VPS13C: variants seen among roughly 807,000 people sequenced by gnomAD.
VPS13C encodes the protein intermembrane lipid transfer protein VPS13C.
In VPS13C, 358 loss-of-function variants were observed where a neutral mutation model predicts 456.8. The ratio of observed to expected loss-of-function variants is 0.78; its 90% CI spans 0.72 to 0.86. The LOEUF (loss-of-function observed/expected upper bound fraction) is 0.86, where lower values mean the gene tolerates loss of function less well. Among genes scored for constraint, VPS13C ranks in the 40% least tolerant of loss-of-function variants. The pLI, the probability that VPS13C is intolerant of heterozygous loss-of-function variation, is 0.00. For synonymous variants in VPS13C, 1,578 were observed against 1,486.7 expected (o/e 1.06, Z -1.41); for missense variants, 4,818 against 4,385.4 (o/e 1.10, Z -2.79).
In VPS13C at chr15:62,000,645, C is replaced by T. The variant is rs1279761776; in HGVS notation, c.1291-19G>A. 1.3e-6 allele frequency: 2 copies of T among 1,577,596 alleles called. No homozygotes were observed. The highest frequency in any genetic ancestry group is 1.4e-5 in the African/African-American group (1 of 72,418). On this transcript the variant is annotated intron_variant, in intron 15 of 84. Coordinates refer to ENST00000644861, the MANE Select transcript of VPS13C (RefSeq NM_020821.3). ...CCAAGTCCTGTAAAAAACAGAGGCA[C>T]TTATAAACAAGAAATTTAATCATTA... is the stretch of plus-strand genomic sequence containing the variant.
intron 18 of VPS13C, 68 bp downstream of exon 18, chr15:61,990,932 A>C (rs931841163): frequency 2.0e-6 from 2 of 1,017,102 alleles, no homozygotes; most frequent in Non-Finnish European, 3.0e-6. Flanking sequence ...AAAATCAGTA[A>C]GTCTAATCCA....
chr15:61,994,194 T>A (rs1348647905), intron 16 of VPS13C, among the ~76,000 whole-genome samples: 1 of 152,190 alleles, frequency 6.6e-6, no homozygotes, highest in Non-Finnish European at 1.5e-5. Flanking sequence ...GTTAGATAGA[T>A]CAAATTGCCT....
Position 61,918,242 on chromosome 15 carries a change from A to G in VPS13C, c.7654T>C (p.Ser2552Pro). 1 of 1,572,746 alleles carries G rather than the reference A, an allele frequency of 6.4e-7. No homozygotes were observed. The highest frequency in any genetic ancestry group is 8.6e-7 in the Non-Finnish European group (1 of 1,163,406). ...RSPLQIKNHF[S>P]IAFIIYKFVK... ...AATTTATAGATGATAAATGCAATGG[A>G]GAAATGGTTTTTGATCTGTTGGACA... The change falls in exon 59 of 85, where the codon TCC becomes CCC. Residue 2552 changes from serine to proline, a missense_variant. Coordinates refer to ENST00000644861, the MANE Select transcript of VPS13C (RefSeq NM_020821.3).
intron 15 of VPS13C, among the ~76,000 whole-genome samples, chr15:62,006,791 G>A (rs958155413): frequency 5.3e-5 from 8 of 152,008 alleles, no homozygotes; most frequent in Non-Finnish European, 8.8e-5. Flanking sequence ...TTTAATGGTC[G>A]CCATTCTAAC....
chr15:61,898,306 G>C (rs1176911565), intron 66 of VPS13C, among the ~76,000 whole-genome samples: 2 of 152,000 alleles, frequency 1.3e-5, no homozygotes, highest in African/African-American at 4.8e-5. Context: ...ACACAGACTG[G>C]CAAATTGGAT....
In VPS13C at chr15:61,884,121, G is replaced by C. The variant is rs371344544; in HGVS notation, c.9483+7C>G. 4 of 1,560,228 alleles carry C rather than the reference G, an allele frequency of 2.6e-6. No homozygotes were observed. The highest frequency in any genetic ancestry group is 1.7e-4 in the Middle Eastern group (1 of 5,830). ...ATAAAAATCAAAACAAAAGAATTTT[G>C]GTATACCTCAAAATTATTATCTAGC... On this transcript the variant is annotated splice_region_variant and intron_variant, in intron 68 of 84. Transcript: ENST00000644861.
chr15:61,900,956 C>G (rs1566982459), intron 66 of VPS13C, among the ~76,000 whole-genome samples: 2 of 152,104 alleles, frequency 1.3e-5, no homozygotes, highest in African/African-American at 4.8e-5. Context: ...AATAACGCCG[C>G]ATTTCTACAA....
chr15:61,996,202 T>C (rs113166478), intron 16 of VPS13C, among the ~76,000 whole-genome samples: 3 of 152,172 alleles, frequency 2.0e-5, no homozygotes, highest in African/African-American at 7.2e-5. Flanking sequence ...CTTAGCCACA[T>C]GAACTAATAT....
chr15:61,966,750 C>T (rs529104926), intron 29 of VPS13C, among the ~76,000 whole-genome samples: 1 of 152,078 alleles, frequency 6.6e-6, no homozygotes, highest in South Asian at 2.1e-4. Context: ...GAATCAATCA[C>T]ATTATATTCT....
At chr15:62,028,123 C>G (rs1001963361) in intron 6 of VPS13C, among the ~76,000 whole-genome samples, 1 of 151,916 alleles carries the variant, frequency 6.6e-6, no homozygotes, top group Non-Finnish European at 1.5e-5. Context: ...TTTGTTTACC[C>G]CACAAACATC....
At position 61,854,315 on chromosome 15, in the gene VPS13C, A is replaced by G. The variant is rs868349013; in HGVS notation, c.*142T>C. 1.2e-5 allele frequency: 9 copies of G among 780,912 alleles called. No individual in the cohort carries two copies. In the South Asian group the frequency reaches 1.5e-4, roughly 13 times the overall value. The allele number at this position is 780,912 out of a possible 1,614,324, so 48.4% of individuals were successfully genotyped here. On this transcript the variant is annotated 3_prime_UTR_variant, in exon 85 of 85. Coordinates refer to ENST00000644861, the MANE Select transcript of VPS13C (RefSeq NM_020821.3). ...GTAAAAACTAAAAGGTGAAAAAACT[A>G]GAAAACCCAATACTAGCTATTCCAG...
In VPS13C at chr15:61,934,155, A is replaced by G. The variant is rs921441066; in HGVS notation, c.5868+64T>C. On this transcript the variant is annotated intron_variant, in intron 49 of 84. Coordinates refer to ENST00000644861, the MANE Select transcript of VPS13C (RefSeq NM_020821.3). ...AAAAGTCCCACACAAAAAAAAGCCA[A>G]CACTCTAAAACTGACTATCAAGAGC... 9 of 1,082,746 alleles carry G rather than the reference A, an allele frequency of 8.3e-6. No homozygotes were observed. The African/African-American group carries it at 1.5e-4, about 18-fold the overall frequency. The allele number at this position is 1,082,746 out of a possible 1,614,324, so 67.1% of individuals were successfully genotyped here. A position where few individuals can be genotyped will look rare whatever the true frequency, so the allele number is the denominator to read the frequency against.
chr15:61,902,251 T>TA (rs1474055658), intron 66 of VPS13C, among the ~76,000 whole-genome samples: 1 of 147,830 alleles, frequency 6.8e-6, no homozygotes, highest in Non-Finnish European at 1.5e-5. Context: ...CCCTAAAACT[T>TA]AAAGTATAAT....
chr15:61,966,187 G>T, intron 29 of VPS13C, 45 bp from the exon 30 acceptor site: 1 of 1,381,278 alleles, frequency 7.2e-7, no homozygotes, highest in Non-Finnish European at 1.0e-6. Flanking sequence ...TAGGATCGAA[G>T]TAAATAAATC....
At chr15:62,031,132 T>C (rs983018603) in intron 5 of VPS13C, among the ~76,000 whole-genome samples, 1 of 152,138 alleles carries the variant, frequency 6.6e-6, no homozygotes, top group Non-Finnish European at 1.5e-5. Flanking sequence ...GAACTCATAG[T>C]TTTATTTCAA....
Position 61,888,379 on chromosome 15 carries a change from C to T in VPS13C, c.9341+1786G>A, listed in dbSNP as rs117240368. On this transcript the variant is annotated intron_variant, in intron 67 of 84. Transcript: ENST00000644861. ...AAAGCAGAGGAAACATATGTCTACA[C>T]AAAAACTTGCACACGAATGTTTATA... 1.7e-3 allele frequency among the ~76,000 whole-genome samples: 259 copies of T among 152,242 alleles called. 6 individuals carry two copies. The East Asian group carries it at 0.043, about 26-fold the overall frequency.
intron 4 of VPS13C, among the ~76,000 whole-genome samples, chr15:62,034,418 T>C (rs532743107): frequency 2.6e-5 from 4 of 151,672 alleles, no homozygotes; most frequent in Non-Finnish European, 5.9e-5. Flanking sequence ...CATTATATTG[T>C]TCTTATAAGT....
At chr15:61,980,183 C>CAAAAAAAAAAAAAAAAA (rs71125960) in intron 22 of VPS13C, among the ~76,000 whole-genome samples, 3 of 45,250 alleles carry the variant, frequency 6.6e-5, no homozygotes, top group African/African-American at 2.1e-4. Context: ...GACCCCATCT[C>CAAAAAAAAAAAAAAAAA]AAAAAAAAAA....
intron 76 of VPS13C, among the ~76,000 whole-genome samples, chr15:61,875,287 T>C (rs1017360907): frequency 2.0e-5 from 3 of 152,060 alleles, no homozygotes; most frequent in Non-Finnish European, 4.4e-5. Flanking sequence ...AGCCCACAGA[T>C]TTTTTTACTG....
Sources: allele counts gnomAD v4.1 joint callset (sites outside exome capture counted in the v4.1 genomes callset), GRCh38; gene constraint gnomAD v4.1.1; transcripts MANE v1.5; gene names NCBI Gene and HGNC (gene_info 2026-07-23, HGNC 2026-07-21).